Variants in ERG observed in about 807,000 individuals in gnomAD.
The protein encoded by ERG is transcriptional regulator ERG.
A neutral mutation model predicts 55.3 loss-of-function variants in ERG; 9 were observed. The observed-to-expected ratio is 0.16, with a 90% CI of 0.10 to 0.28. ERG has a LOEUF of 0.28. ERG is among the 10% of genes least tolerant of loss of function. The probability of loss-of-function intolerance (pLI) is 1.00; values close to 1 mark genes in which losing one functional copy is unlikely to be tolerated. For synonymous variants in ERG, 223 were observed against 237.3 expected (o/e 0.94, Z 0.55); for missense variants, 434 against 631.6 (o/e 0.69, Z 3.35).
chr21:38,535,214 GA>G (rs1169865325), intron 2 of ERG, among the ~76,000 whole-genome samples: 1 of 152,048 alleles, frequency 6.6e-6, no homozygotes, highest in Non-Finnish European at 1.5e-5. Flanking sequence ...CTACTTATGT[GA>G]GGTACCTAGA....
chr21:38,645,901 T>C (rs911642303), intron 1 of ERG, among the ~76,000 whole-genome samples: 6 of 152,120 alleles, frequency 3.9e-5, no homozygotes, highest in African/African-American at 1.4e-4. Flanking sequence ...GCATATACTC[T>C]AGTGATGGCC....
At chr21:38,447,072 G>A (rs981796439) in intron 1 of ERG, among the ~76,000 whole-genome samples, 2 of 152,034 alleles carry the variant, frequency 1.3e-5, no homozygotes, top group African/African-American at 2.4e-5. Context: ...CCACCCAGAA[G>A]GATCAGAATT....
chr21:38,569,512 T>C (rs376839796), intron 2 of ERG, among the ~76,000 whole-genome samples: 3 of 152,378 alleles, frequency 2.0e-5, no homozygotes, highest in East Asian at 1.9e-4. Context: ...CAAGACTGAC[T>C]TCACTATGAG....
upstream of ERG, among the ~76,000 whole-genome samples, chr21:38,588,976 C>T (rs1415183235): frequency 6.6e-6 from 1 of 152,128 alleles, no homozygotes; most frequent in Non-Finnish European, 1.5e-5. Flanking sequence ...AGCAATCCTC[C>T]TCTCTCAGCC....
chr21:38,488,303 G>A (rs1439464782), intron 1 of ERG, among the ~76,000 whole-genome samples: 2 of 152,152 alleles, frequency 1.3e-5, no homozygotes, highest in Non-Finnish European at 2.9e-5. Flanking sequence ...AGGAGATCTG[G>A]GTGGAGCTGT....
intron 1 of ERG, among the ~76,000 whole-genome samples, chr21:38,613,035 CG>C (rs1568949771): frequency 1.3e-5 from 2 of 151,964 alleles, no homozygotes; most frequent in Non-Finnish European, 2.9e-5. Context: ...TACTAACAGG[CG>C]GGGCCCATTG....
At chr21:38,536,656 TG>T (rs1425677444) in intron 2 of ERG, among the ~76,000 whole-genome samples, 1 of 152,046 alleles carries the variant, frequency 6.6e-6, no homozygotes, top group Non-Finnish European at 1.5e-5. Context: ...AAGGGAAGAA[TG>T]AATGCATGAG....
At chr21:38,634,597 G>GGGTGACTTC (rs2060377173) in intron 1 of ERG, among the ~76,000 whole-genome samples, 1 of 152,206 alleles carries the variant, frequency 6.6e-6, no homozygotes, top group Non-Finnish European at 1.5e-5. Context: ...TGTATTCTCA[G>GGGTGACTTC]GGTGACTTCA....
intron 2 of ERG, among the ~76,000 whole-genome samples, chr21:38,443,606 T>A (rs2058861664): frequency 1.3e-5 from 2 of 152,212 alleles, no homozygotes. Context: ...CAGAAATATA[T>A]ATAGTTAATG....
chr21:38,562,981 G>A (rs1259926024), intron 2 of ERG, among the ~76,000 whole-genome samples: 2 of 152,154 alleles, frequency 1.3e-5, no homozygotes, highest in Non-Finnish European at 2.9e-5. Context: ...AAGACGAGGA[G>A]GAAGCTTAAA....
intron 2 of ERG, among the ~76,000 whole-genome samples, chr21:38,547,515 G>A (rs2059795600): frequency 6.6e-6 from 1 of 152,164 alleles, no homozygotes; most frequent in African/African-American, 2.4e-5. Flanking sequence ...TAATGGTAAA[G>A]CAAGGAAAGG....
At chr21:38,585,144 A>G (rs961348527), upstream of ERG, among the ~76,000 whole-genome samples, 1 of 152,230 alleles carries the variant, frequency 6.6e-6, no homozygotes, top group Admixed American at 6.5e-5. Flanking sequence ...AGCATTATGA[A>G]GCAAAAATCG....
At chr21:38,598,922 G>A (rs983907523) in intron 1 of ERG, among the ~76,000 whole-genome samples, 2 of 152,204 alleles carry the variant, frequency 1.3e-5, no homozygotes, top group African/African-American at 4.8e-5. Context: ...AGTTTCAGAG[G>A]CTGTGCAGCA....
chr21:38,400,436 G>T, intron 6 of ERG, 138 bp downstream of exon 6: 1 of 786,358 alleles, frequency 1.3e-6, no homozygotes, highest in Non-Finnish European at 2.3e-6. Context: ...CAAATCAACA[G>T]AGGCAGAATA....
At chr21:38,439,658 T>C (rs2058822171) in intron 2 of ERG, among the ~76,000 whole-genome samples, 1 of 152,242 alleles carries the variant, frequency 6.6e-6, no homozygotes, top group Non-Finnish European at 1.5e-5. Flanking sequence ...CTGTTTGATC[T>C]GGCAGTGGCC....
chr21:38,392,276 G>T, intron 7 of ERG, 100 bp downstream of exon 7: 1 of 1,020,418 alleles, frequency 9.8e-7, no homozygotes, highest in Non-Finnish European at 1.5e-6. Flanking sequence ...ATCACATGTT[G>T]CAAAATCACA....
intron 2 of ERG, among the ~76,000 whole-genome samples, chr21:38,559,383 CTTTTTT>C (rs574207119): frequency 9.8e-5 from 9 of 92,076 alleles, no homozygotes; most frequent in Admixed American, 1.4e-4. Context: ...TCCCATTTCC[CTTTTTT>C]TTTTTTTTTT....
chr21:38,579,783 A>G (rs1447183162), intron 1 of ERG, among the ~76,000 whole-genome samples: 2 of 150,424 alleles, frequency 1.3e-5, no homozygotes, highest in African/African-American at 2.4e-5. Flanking sequence ...TAAAAGCTCA[A>G]CCACCCTCCC....
chr21:38,623,048 C>T (rs1238698394), intron 1 of ERG, among the ~76,000 whole-genome samples: 1 of 142,180 alleles, frequency 7.0e-6, no homozygotes, highest in Non-Finnish European at 1.5e-5. Context: ...CACAAGACCA[C>T]ACACACACAT....
Sources: gnomAD v4.1 joint callset for allele counts (sites outside exome capture counted in the v4.1 genomes callset) on GRCh38, gnomAD v4.1.1 for gene constraint, MANE v1.5 for transcripts, NCBI Gene and HGNC (gene_info 2026-07-23, HGNC 2026-07-21) for gene names.